The following SYN3 variants were observed in gnomAD, a reference collection of about 807,000 sequenced individuals.
SYN3 encodes the protein synapsin-3.
SYN3 carries 35 observed loss-of-function variants against 65.8 expected under a neutral mutation model. The ratio of observed to expected loss-of-function variants is 0.53; its 90% confidence interval spans 0.41 to 0.70. The LOEUF (loss-of-function observed/expected upper bound fraction) is 0.70. Among genes scored for constraint, SYN3 ranks in the 30% least tolerant of loss-of-function variants. SYN3 has a pLI of 0.00. For synonymous variants in SYN3, 270 were observed against 292.9 expected, an observed-to-expected ratio of 0.92 and a Z score of 0.80; for missense variants, 680 against 749.0, an observed-to-expected ratio of 0.91 and a Z score of 1.08.
At chr22:32,900,380 TTTCCTGACAAAC>T in intron 4 of SYN3, among the ~76,000 whole-genome samples, 1 of 152,324 alleles carries the variant, frequency 6.6e-6, no homozygotes, top group Middle Eastern at 3.4e-3. Flanking sequence ...TCCGGGCAAA[TTTCCTGACAAAC>T]TTCTGTTCAT....
chr22:32,664,246 T>C (rs2060257872), intron 6 of SYN3, among the ~76,000 whole-genome samples: 1 of 152,178 alleles, frequency 6.6e-6, no homozygotes, highest in Non-Finnish European at 1.5e-5. Context: ...ACCTTATGAC[T>C]TGGAGATAAG....
At chr22:32,705,290 A>G (rs1247266889) in intron 6 of SYN3, among the ~76,000 whole-genome samples, 1 of 152,244 alleles carries the variant, frequency 6.6e-6, no homozygotes, top group African/African-American at 2.4e-5. Context: ...CAGTTATCCC[A>G]GCACCATTTA....
intron 7 of SYN3, among the ~76,000 whole-genome samples, chr22:32,591,503 C>T (rs2059127601): frequency 6.6e-6 from 1 of 152,198 alleles, no homozygotes; most frequent in African/African-American, 2.4e-5. Context: ...AAGTTCTGCG[C>T]TAAAAGCTTA....
At chr22:32,943,995 T>C (rs1273884528) in intron 3 of SYN3, among the ~76,000 whole-genome samples, 1 of 152,084 alleles carries the variant, frequency 6.6e-6, no homozygotes, top group Non-Finnish European at 1.5e-5. Flanking sequence ...CACACAATAA[T>C]AATGGAAGAC....
intron 6 of SYN3, among the ~76,000 whole-genome samples, chr22:32,717,795 G>C (rs1005861062): frequency 5.9e-5 from 9 of 152,102 alleles, no homozygotes; most frequent in Admixed American, 5.9e-4. Flanking sequence ...GACTGACAAG[G>C]CCTGTCAAAC....
At chr22:32,706,154 C>T (rs555064191) in intron 6 of SYN3, among the ~76,000 whole-genome samples, 40 of 152,276 alleles carry the variant, frequency 2.6e-4, no homozygotes, top group Admixed American at 6.5e-4. Context: ...TCAAGGGGAA[C>T]GTTTCCAGCT....
At chr22:32,929,396 C>T (rs371410861) in intron 4 of SYN3, among the ~76,000 whole-genome samples, 1 of 152,012 alleles carries the variant, frequency 6.6e-6, no homozygotes, top group Admixed American at 6.6e-5. Flanking sequence ...TTAAAAATAA[C>T]CTGTGTGATA....
chr22:32,987,214 AAG>A (rs1265013961), intron 2 of SYN3, among the ~76,000 whole-genome samples: 3 of 151,984 alleles, frequency 2.0e-5, no homozygotes, highest in African/African-American at 7.2e-5. Context: ...GAAATAGAGA[AAG>A]AGATTTTCAT....
chr22:32,637,059 ACAG>A lies in SYN3; in HGVS notation c.712-40326_712-40324del, dbSNP rs76593816. Reference sequence around the variant, plus strand: ...TCTGAGAACCACTGAACTAGAAATGACAGCAACAACAACAAAAATGAATCTTTA... The same window carrying A: ...TCTGAGAACCACTGAACTAGAAATGACAACAACAACAAAAATGAATCTTTA... On this transcript the variant is annotated intron_variant, in intron 6 of 13. Coordinates refer to ENST00000358763, the MANE Select transcript of SYN3 (RefSeq NM_003490.4). 3.3e-5 allele frequency among the ~76,000 whole-genome samples: 5 copies of A among 152,184 alleles called. No individual in the cohort carries two copies. The South Asian group carries it at 1.0e-3, about 32-fold the overall frequency.
intron 7 of SYN3, among the ~76,000 whole-genome samples, chr22:32,586,410 A>G (rs578202219): frequency 7.8e-4 from 118 of 152,156 alleles, no homozygotes; most frequent in Non-Finnish European, 1.5e-3. Context: ...TTGACATTAA[A>G]CTCAATGCCA....
intron 1 of SYN3, among the ~76,000 whole-genome samples, chr22:33,043,216 A>G (rs5754385): frequency 0.078 from 11,923 of 152,222 alleles, 555 homozygotes; most frequent in Middle Eastern, 0.2. Context: ...CATACTCTAA[A>G]GATGCCCCTA....
At chr22:32,868,816 A>G in intron 5 of SYN3, 150 bp downstream of exon 5, 4 of 464,624 alleles carry the variant, frequency 8.6e-6, no homozygotes, top group Non-Finnish European at 1.4e-5. Context: ...AACAATTCCA[A>G]CAAGAGCCCT....
chr22:32,516,316 C>T (rs2057773605), intron 13 of SYN3, among the ~76,000 whole-genome samples: 1 of 151,860 alleles, frequency 6.6e-6, no homozygotes, highest in African/African-American at 2.4e-5. Context: ...GAGAATGGGG[C>T]GGGAACGAGG....
chr22:32,965,394 A>C (rs1276732231), intron 3 of SYN3, among the ~76,000 whole-genome samples: 3 of 152,134 alleles, frequency 2.0e-5, no homozygotes, highest in African/African-American at 7.2e-5. Flanking sequence ...AGTTTGAGAA[A>C]TATATATTGA....
intron 1 of SYN3, among the ~76,000 whole-genome samples, chr22:33,039,566 T>C (rs1385370644): frequency 2.6e-5 from 4 of 152,036 alleles, no homozygotes; most frequent in Non-Finnish European, 5.9e-5. Context: ...GGCTAATTTT[T>C]TGTATTTTTA....
intron 2 of SYN3, among the ~76,000 whole-genome samples, chr22:32,991,310 C>T (rs1291922888): frequency 6.7e-6 from 1 of 148,794 alleles, no homozygotes; most frequent in Non-Finnish European, 1.5e-5. Context: ...TGCACTCCAG[C>T]CTGGGTAACA....
In SYN3 at chr22:32,820,879, T is replaced by C. The variant is rs182698737; in HGVS notation, c.711+44036A>G. On this transcript the variant is annotated intron_variant, in intron 6 of 13. Coordinates refer to ENST00000358763, the MANE Select transcript of SYN3 (RefSeq NM_003490.4). Reference sequence around the variant, plus strand: ...TGTATGAATGATAAAGAGCAGAGTTTGCCAGATATTGCTAATTAATTCTCT... The same window carrying C: ...TGTATGAATGATAAAGAGCAGAGTTCGCCAGATATTGCTAATTAATTCTCT... Among the ~76,000 whole-genome samples, 11 of 152,342 alleles carry C rather than the reference T, an allele frequency of 7.2e-5. No individual in the cohort carries two copies. The East Asian group carries it at 2.1e-3, about 29-fold the overall frequency.
intron 1 of SYN3, among the ~76,000 whole-genome samples, chr22:33,029,880 AC>A (rs2053718509): frequency 6.6e-6 from 1 of 152,130 alleles, no homozygotes; most frequent in Non-Finnish European, 1.5e-5. Flanking sequence ...ATACAGAGGC[AC>A]TTATAGCTCC....
intron 7 of SYN3, among the ~76,000 whole-genome samples, chr22:32,562,259 G>A (rs964873903): frequency 1.3e-5 from 2 of 152,188 alleles, no homozygotes; most frequent in African/African-American, 4.8e-5. Context: ...GTCTCCAGCC[G>A]ACTGGAACCT....
Sources: gnomAD v4.1 joint callset for allele counts (sites outside exome capture counted in the v4.1 genomes callset) on GRCh38, gnomAD v4.1.1 for gene constraint, MANE v1.5 for transcripts, NCBI Gene and HGNC (gene_info 2026-07-23, HGNC 2026-07-21) for gene names.